FUT8: variants seen among roughly 807,000 people sequenced by gnomAD.
FUT8 encodes the protein alpha-(1,6)-fucosyltransferase.
Under a neutral mutation model 71.3 loss-of-function variants are expected in FUT8, and 29 were observed. The observed-to-expected ratio is 0.41, with a 90% CI of 0.30 to 0.55. FUT8 has a LOEUF of 0.55. Ranked by LOEUF, FUT8 falls within the 20% of genes least tolerant of loss-of-function variation. The pLI, the probability that FUT8 is intolerant of heterozygous loss-of-function variation, is 0.34. For synonymous variants in FUT8, 254 were observed against 239.3 expected (o/e 1.06, Z -0.57); for missense variants, 544 against 702.1 (o/e 0.77, Z 2.55).
chr14:65,430,028 T>TTTTTTTTTGAGACAGGGTATCTG (rs529083429), intron 1 of FUT8, among the ~76,000 whole-genome samples: 2,501 of 20,678 alleles, frequency 0.12, 77 homozygotes, highest in African/African-American at 0.28. Flanking sequence ...TTGTTTTTGT[T>TTTTTTTTTGAGACAGGGTATCTG]TTTTTTTTTG....
chr14:65,484,482 T>C (rs948974321), intron 2 of FUT8, among the ~76,000 whole-genome samples: 3 of 152,142 alleles, frequency 2.0e-5, no homozygotes, highest in African/African-American at 7.2e-5. Context: ...TTTTTTTTAA[T>C]GTGTTGAAAT....
chr14:65,661,990 A>C (rs1055110724), intron 6 of FUT8, among the ~76,000 whole-genome samples: 2 of 152,202 alleles, frequency 1.3e-5, no homozygotes, highest in African/African-American at 4.8e-5. Context: ...TTAGAGGCTT[A>C]TTGATTCAAG....
At chr14:65,725,190 T>A (rs992551957) in intron 9 of FUT8, among the ~76,000 whole-genome samples, 8 of 152,226 alleles carry the variant, frequency 5.3e-5, no homozygotes, top group Admixed American at 2.6e-4. Context: ...AGTTGAGGAA[T>A]AAAGACTACT....
At position 65,574,367 on chromosome 14, in the gene FUT8, C is replaced by T. The variant is rs934400584; in HGVS notation, c.203+12601C>T. Reference sequence around the variant, plus strand: ...ATTTACACTTGGGGAGGCGATTTTCCAAGGTCTTGACCACCAGAAGATAAA... The same window carrying T: ...ATTTACACTTGGGGAGGCGATTTTCTAAGGTCTTGACCACCAGAAGATAAA... On this transcript the variant is annotated intron_variant, in intron 3 of 10. Coordinates refer to ENST00000673929, the MANE Select transcript of FUT8 (RefSeq NM_001371533.1). This position sits in a 1 kb window ranked among gnomAD's most constrained non-coding sequence, Gnocchi z 5.2. Among the ~76,000 whole-genome samples, 34 of 152,060 alleles carry T rather than the reference C, an allele frequency of 2.2e-4. No individual in the cohort carries two copies. Among genetic ancestry groups the T allele is most frequent in the African/African-American group, 7.5e-4 (31 of 41,390 alleles).
At chr14:65,373,733 G>C in the FUT8 span, among the ~76,000 whole-genome samples, 1 of 152,166 alleles carries the variant, frequency 6.6e-6, no homozygotes, top group Non-Finnish European at 1.5e-5. Context: ...AGGTTTATCA[G>C]TTTTCTCAGA....
At chr14:65,380,931 A>T in the FUT8 span, among the ~76,000 whole-genome samples, 3 of 152,212 alleles carry the variant, frequency 2.0e-5, no homozygotes, top group Non-Finnish European at 4.4e-5. Flanking sequence ...CACATGGCAA[A>T]GATAATAATA....
chr14:65,575,582 T>TCCTTCTTTCCTTCCTTC (rs35174023), intron 3 of FUT8, among the ~76,000 whole-genome samples: 5 of 72,750 alleles, frequency 6.9e-5, no homozygotes, highest in African/African-American at 2.3e-4. Flanking sequence ...CTTCCTTCCT[T>TCCTTCTTTCCTTCCTTC]CTTCCTTCCT....
the FUT8 span, among the ~76,000 whole-genome samples, chr14:65,395,855 A>G: frequency 2.0e-4 from 30 of 152,198 alleles, no homozygotes; most frequent in Admixed American, 1.3e-4. Flanking sequence ...CCGAACTTTT[A>G]TGCTCTGTTT....
chr14:65,376,726 GC>G, the FUT8 span, among the ~76,000 whole-genome samples: 1 of 152,136 alleles, frequency 6.6e-6, no homozygotes, highest in Admixed American at 6.5e-5. Context: ...GTTATTAAAA[GC>G]ACTGATTTTT....
the FUT8 span, among the ~76,000 whole-genome samples, chr14:65,383,539 G>A: frequency 6.6e-6 from 1 of 152,014 alleles, no homozygotes. Context: ...CAAAGTGCTG[G>A]GATTACAGGC....
intron 3 of FUT8, among the ~76,000 whole-genome samples, chr14:65,595,699 C>T (rs1045900604): frequency 5.4e-5 from 8 of 149,008 alleles, no homozygotes; most frequent in African/African-American, 2.0e-4. Context: ...AGCTCCGCCT[C>T]CCGGGTTCAT....
chr14:65,611,972 T>C (rs1889023911), intron 3 of FUT8, among the ~76,000 whole-genome samples: 1 of 152,260 alleles, frequency 6.6e-6, no homozygotes, highest in South Asian at 2.1e-4. Flanking sequence ...ATTAAAATTT[T>C]AACATCTTTT....
chr14:65,688,193 TA>T (rs1418623310), intron 7 of FUT8, among the ~76,000 whole-genome samples: 2 of 152,208 alleles, frequency 1.3e-5, no homozygotes, highest in Admixed American at 1.3e-4. Flanking sequence ...CACTGTAGCA[TA>T]ATCATACAGA....
At chr14:65,659,261 G>GT (rs1566880313) in intron 6 of FUT8, among the ~76,000 whole-genome samples, 1 of 151,704 alleles carries the variant, frequency 6.6e-6, no homozygotes. Flanking sequence ...AGCTAACAGT[G>GT]TATTTTTCAT....
At chr14:65,663,137 TCAAC>T (rs1177474331) in intron 6 of FUT8, among the ~76,000 whole-genome samples, 35 of 152,260 alleles carry the variant, frequency 2.3e-4, no homozygotes, top group Admixed American at 9.8e-4. Context: ...TTTGCAGGCA[TCAAC>T]TGGATAGTAT....
At position 65,489,160 on chromosome 14, in the gene FUT8, G is replaced by A. The variant is rs911935275; in HGVS notation, c.-228+33442G>A. The stretch of plus-strand genomic sequence containing the variant: ...TTATCATGAAAAATTCAATAATGTT[G>A]CTTTTTCTTTTTGATAGCCAGAGGA... On this transcript the variant is annotated intron_variant, in intron 2 of 10. Coordinates refer to ENST00000673929, the MANE Select transcript of FUT8 (RefSeq NM_001371533.1). The surrounding 1 kb of genome is among the most constrained non-coding windows in gnomAD (Gnocchi z 4.0). 3.3e-5 allele frequency among the ~76,000 whole-genome samples: 5 copies of A among 152,020 alleles called. No homozygotes were observed. The highest frequency in any genetic ancestry group is 2.1e-4 in the South Asian group (1 of 4,818).
In FUT8 at chr14:65,607,161, C is replaced by T. The variant is rs543962340; in HGVS notation, c.204-8817C>T. Among the ~76,000 whole-genome samples the T allele has an allele frequency of 2.0e-5, 3 of 151,890 alleles. No individual in the cohort carries two copies. Among genetic ancestry groups the T allele is most frequent in the Admixed American group, 1.3e-4 (2 of 15,234 alleles). On this transcript the variant is annotated intron_variant, in intron 3 of 10. Coordinates refer to ENST00000673929, the MANE Select transcript of FUT8 (RefSeq NM_001371533.1). The surrounding 1 kb of genome is among the most constrained non-coding windows in gnomAD (Gnocchi z 4.1). ...TATATTATCTGAATAACATTTGTTTCTTCATTTTCTACACTTGTAAGTCTT... is the reference window on the plus strand; with the variant it reads ...TATATTATCTGAATAACATTTGTTTTTTCATTTTCTACACTTGTAAGTCTT...
chr14:65,421,628 T>G (rs1004669024), intron 1 of FUT8, among the ~76,000 whole-genome samples: 1 of 152,200 alleles, frequency 6.6e-6, no homozygotes, highest in African/African-American at 2.4e-5. Context: ...TCCTTCTACA[T>G]TACCTGGTAC....
intron 2 of FUT8, among the ~76,000 whole-genome samples, chr14:65,461,158 ATCCTT>A (rs1391538158): frequency 6.6e-6 from 1 of 152,080 alleles, no homozygotes; most frequent in Non-Finnish European, 1.5e-5. Flanking sequence ...CTAGGTAAGA[ATCCTT>A]TCCTTCTTCT....
Sources: allele counts gnomAD v4.1 joint callset (sites outside exome capture counted in the v4.1 genomes callset), GRCh38; gene constraint gnomAD v4.1.1; non-coding constraint Gnocchi (gnomAD v3.1); transcripts MANE v1.5; gene names NCBI Gene and HGNC (gene_info 2026-07-23, HGNC 2026-07-21).